The following LRP1B variants were observed in gnomAD, a reference collection of about 807,000 sequenced individuals.
LRP1B encodes LDL receptor related protein 1B, also known as low-density lipoprotein receptor-related protein 1B.
A neutral mutation model predicts 556.6 loss-of-function variants in LRP1B; 217 were observed. The observed-to-expected ratio is 0.39, with a 90% CI of 0.35 to 0.44. The LOEUF is 0.44. Ranked by LOEUF, LRP1B falls within the 20% of genes least tolerant of loss-of-function variation. LRP1B has a pLI of 1.00. For missense variants in LRP1B, 5,053 were observed against 5,620.8 expected (o/e 0.90, Z 3.23); for synonymous variants, 2,047 against 1,865.8 (o/e 1.10, Z -2.50).
At chr2:141,307,364 C>A (rs1686628986) in intron 3 of LRP1B, among the ~76,000 whole-genome samples, 1 of 151,708 alleles carries the variant, frequency 6.6e-6, no homozygotes, top group South Asian at 2.1e-4. Flanking sequence ...ATATAATGAG[C>A]TTCTTTGTCT....
chr2:140,626,679 A>C (rs1683671887), intron 41 of LRP1B, among the ~76,000 whole-genome samples: 2 of 144,268 alleles, frequency 1.4e-5, no homozygotes, highest in African/African-American at 2.6e-5. Flanking sequence ...ATTTGAGTAC[A>C]CAAAAATTTA....
At chr2:140,581,126 C>G (rs1233368595) in intron 43 of LRP1B, among the ~76,000 whole-genome samples, 2 of 152,162 alleles carry the variant, frequency 1.3e-5, no homozygotes, top group Non-Finnish European at 2.9e-5. Context: ...TTTACTTTCT[C>G]TATTTAAGTT....
At chr2:141,053,775 T>C (rs541983394) in intron 10 of LRP1B, among the ~76,000 whole-genome samples, 3 of 152,164 alleles carry the variant, frequency 2.0e-5, no homozygotes, top group Admixed American at 6.6e-5. Context: ...TCTGATCTTA[T>C]GTTTTTCCTC....
In LRP1B at chr2:142,076,593, A is replaced by G. The variant is rs534843231; in HGVS notation, c.82+54055T>C. Among the ~76,000 whole-genome samples the G allele has an allele frequency of 2.6e-5, 4 of 152,260 alleles. No individual in the cohort carries two copies. In the East Asian group the frequency reaches 7.7e-4, roughly 29 times the overall value. ...CAAAGTTCCACATCAAAAGAGGATA[A>G]GAAGGAGTCCTGGAAAACTGTATAA... On this transcript the variant is annotated intron_variant, in intron 1 of 90. Transcript: ENST00000389484.
chr2:140,343,524 A>G (rs1428283182), intron 77 of LRP1B, among the ~76,000 whole-genome samples: 4 of 151,640 alleles, frequency 2.6e-5, no homozygotes, highest in Non-Finnish European at 5.9e-5. Context: ...GAAATGAAGG[A>G]TGTTATATAC....
At position 140,770,921 on chromosome 2, in the gene LRP1B, T is replaced by A. The variant is rs755403001; in HGVS notation, c.5586A>T (p.Thr1862=). ...TSETTRTCMC[T]VGYYLQKNRM... ...GGTTCTTTTGGAGATAATATCCCAC[T>A]GTACACATACAAGTCCTTGTAGTTT... The change falls in exon 34 of 91, where the codon ACA becomes ACT. Residue 1862 remains threonine (T), a synonymous_variant. Coordinates refer to ENST00000389484, the MANE Select transcript of LRP1B (RefSeq NM_018557.3). 1.3e-6 allele frequency: 2 copies of A among 1,579,198 alleles called. No individual in the cohort carries two copies. The highest frequency in any genetic ancestry group is 1.7e-6 in the Non-Finnish European group (2 of 1,166,646).
Position 140,378,257 on chromosome 2 carries a change from G to A in LRP1B, c.10561C>T (p.Leu3521Phe), listed in dbSNP as rs1683321798. Residue 3521 changes from leucine to phenylalanine, a missense_variant, in exon 68 of 91, where the codon CTC becomes TTC. Physicochemically the swap from Leu to Phe is conservative, Grantham distance 22 (BLOSUM62 0). This residue lies in a region of LRP1B where 599 missense variants were observed against 648.4 expected (regional missense o/e 0.92). Coordinates refer to ENST00000389484, the MANE Select transcript of LRP1B (RefSeq NM_018557.3). ...GAAACACAGTCCCCATTGGCACAGA[G>A]GAAATCTTTCAATGTACATGTCTGT... The part of the protein sequence containing the change: ...KPQTCTLKDF[L>F]CANGDCVSSR... 1 of 1,612,960 alleles carries A rather than the reference G, an allele frequency of 6.2e-7. No homozygotes were observed. Among genetic ancestry groups the A allele is most frequent in the Non-Finnish European group, 8.5e-7 (1 of 1,179,194 alleles).
chr2:141,850,891 G>C (rs1383948507), intron 1 of LRP1B, among the ~76,000 whole-genome samples: 3 of 151,620 alleles, frequency 2.0e-5, no homozygotes, highest in Non-Finnish European at 4.4e-5. Flanking sequence ...GAATCCTACA[G>C]ATGCTGACAT....
At chr2:141,350,991 TAAA>T (rs1055900596) in intron 3 of LRP1B, among the ~76,000 whole-genome samples, 1 of 152,010 alleles carries the variant, frequency 6.6e-6, no homozygotes, top group Non-Finnish European at 1.5e-5. Flanking sequence ...GACAAGAATT[TAAA>T]AAAATTTCAA....
At chr2:142,055,844 C>T (rs1160369967) in intron 1 of LRP1B, among the ~76,000 whole-genome samples, 2 of 152,108 alleles carry the variant, frequency 1.3e-5, no homozygotes, top group African/African-American at 4.8e-5. Flanking sequence ...GACTATTTCT[C>T]TATTTTTCAG....
intron 11 of LRP1B, among the ~76,000 whole-genome samples, chr2:141,035,164 A>T (rs1698494209): frequency 6.7e-6 from 1 of 148,448 alleles, no homozygotes. Flanking sequence ...ATGAGAACAC[A>T]TGGACACAGG....
At chr2:140,614,449 C>G (rs1014987868) in intron 41 of LRP1B, among the ~76,000 whole-genome samples, 1 of 151,958 alleles carries the variant, frequency 6.6e-6, no homozygotes, top group Non-Finnish European at 1.5e-5. Context: ...GTTGAATAAT[C>G]AAGTCACTTA....
intron 7 of LRP1B, among the ~76,000 whole-genome samples, chr2:141,126,331 C>A (rs187888552): frequency 6.6e-6 from 1 of 152,064 alleles, no homozygotes; most frequent in African/African-American, 2.4e-5. Context: ...ATCGCTCCTG[C>A]CCTTTAATAG....
At chr2:141,501,908 C>T (rs1035342085) in intron 2 of LRP1B, among the ~76,000 whole-genome samples, 1 of 57,302 alleles carries the variant, frequency 1.7e-5, no homozygotes, top group African/African-American at 4.9e-5. Flanking sequence ...ACTGAAACAA[C>T]TATGGCTTTT....
chr2:141,734,012 T>C (rs1693376451), intron 2 of LRP1B, among the ~76,000 whole-genome samples: 1 of 152,154 alleles, frequency 6.6e-6, no homozygotes, highest in Admixed American at 6.6e-5. Context: ...TATAGTCTCA[T>C]ACCTATCATA....
At chr2:140,951,821 G>T in intron 19 of LRP1B, 39 bp downstream of exon 19, 2 of 1,510,848 alleles carry the variant, frequency 1.3e-6, no homozygotes, top group East Asian at 2.3e-5. Context: ...CCAAGCCCCC[G>T]ATCAAATTAG....
intron 41 of LRP1B, among the ~76,000 whole-genome samples, chr2:140,622,222 A>T (rs1683483207): frequency 6.6e-6 from 1 of 152,230 alleles, no homozygotes. Flanking sequence ...CATATAGGTA[A>T]TTACAAATGT....
rs56299109 is a variant in LRP1B, at chr2:141,721,003, G to T, written c.205+89276C>A. ...ACTTTCCTTCTAGGAGGATGCTTTG[G>T]TTGTTCAATCATTCAAGGTATGCAC... On this transcript the variant is annotated intron_variant, in intron 2 of 90. Transcript: ENST00000389484. Among the ~76,000 whole-genome samples the T allele has an allele frequency of 4.6e-3, 696 of 152,172 alleles. 8 individuals are homozygous for T. The highest frequency in any genetic ancestry group is 0.016 in the African/African-American group (660 of 41,532).
chr2:141,913,534 T>G (rs1487536347), intron 1 of LRP1B, among the ~76,000 whole-genome samples: 1 of 152,136 alleles, frequency 6.6e-6, no homozygotes, highest in Non-Finnish European at 1.5e-5. Flanking sequence ...AGACAACAGT[T>G]GGTTTTGAAA....
Sources: allele counts gnomAD v4.1 joint callset (sites outside exome capture counted in the v4.1 genomes callset), GRCh38; gene constraint gnomAD v4.1.1; regional missense constraint gnomAD v4.1.1; transcripts MANE v1.5; gene names NCBI Gene and HGNC (gene_info 2026-07-23, HGNC 2026-07-21).